The following SEC14L1 variants were observed in gnomAD, a reference collection of about 807,000 sequenced individuals.
The protein encoded by SEC14L1 is SEC14 like lipid binding 1.
In SEC14L1, 48 loss-of-function variants were observed where a neutral mutation model predicts 85.3. The observed-to-expected ratio is 0.56, with a 90% CI of 0.45 to 0.72. The LOEUF (loss-of-function observed/expected upper bound fraction) is 0.72, where lower values mean the gene tolerates loss of function less well. Among genes scored for constraint, SEC14L1 ranks in the 30% least tolerant of loss-of-function variants. The pLI is 0.00. For synonymous variants in SEC14L1, 391 were observed against 355.5 expected (o/e 1.10, Z -1.12); for missense variants, 682 against 921.4 (o/e 0.74, Z 3.36).
chr17:77,198,391 T>A (rs1975922675), intron 8 of SEC14L1, among the ~76,000 whole-genome samples: 1 of 152,212 alleles, frequency 6.6e-6, no homozygotes, highest in Admixed American at 6.5e-5. Flanking sequence ...AGTTGAACAT[T>A]ACTAGCGAAG....
At chr17:77,138,611 C>T (rs962523289), upstream of SEC14L1, among the ~76,000 whole-genome samples, 1 of 152,030 alleles carries the variant, frequency 6.6e-6, no homozygotes, top group Non-Finnish European at 1.5e-5. Context: ...CAGAGTAAGA[C>T]TCCATCTCAA....
chr17:77,160,875 A>G (rs1974025931), intron 3 of SEC14L1, among the ~76,000 whole-genome samples: 1 of 152,230 alleles, frequency 6.6e-6, no homozygotes, highest in Non-Finnish European at 1.5e-5. Flanking sequence ...TACAAAAAGA[A>G]TAGGGATGAA....
intron 3 of SEC14L1, among the ~76,000 whole-genome samples, chr17:77,095,819 A>G (rs933758969): frequency 1.1e-4 from 16 of 151,466 alleles, no homozygotes; most frequent in Non-Finnish European, 2.4e-4. Context: ...TTTGTCTCAA[A>G]AAAAAAAAAT....
In SEC14L1 at chr17:77,206,705, G is replaced by A. The variant is rs200714165; in HGVS notation, c.1342-23G>A. The A allele has an allele frequency of 3.8e-6, 6 of 1,578,400 alleles. No homozygotes were observed. Among genetic ancestry groups the A allele is most frequent in the African/African-American group, 1.4e-5 (1 of 73,478 alleles). The stretch of plus-strand genomic sequence containing the variant: ...ACTCAGGCAGCAGAGAAATATGACT[G>A]CATGGTCTTCTCCTCCTCACAGGTT... On this transcript the variant is annotated intron_variant, in intron 12 of 16. Transcript: ENST00000436233. The surrounding 1 kb of genome is among the most constrained non-coding windows in gnomAD (Gnocchi z 4.3).
intron 3 of SEC14L1, among the ~76,000 whole-genome samples, chr17:77,180,434 T>C (rs749635121): frequency 5.9e-5 from 9 of 152,138 alleles, no homozygotes; most frequent in Non-Finnish European, 1.3e-4. Context: ...CTTGTTTTTG[T>C]TTGAGATAAG....
In SEC14L1 at chr17:77,190,392, A is replaced by G. The variant is rs372708765; in HGVS notation, c.64-411A>G. Among the ~76,000 whole-genome samples the G allele has an allele frequency of 8.5e-5, 13 of 152,296 alleles. No homozygotes were observed. The South Asian group carries it at 2.7e-3, about 32-fold the overall frequency. ...GTATGTCAGTTACCCCTCTCCTAATACTAGATGGTCTTGATTACTGTAGTT... is the reference window on the plus strand; with the variant it reads ...GTATGTCAGTTACCCCTCTCCTAATGCTAGATGGTCTTGATTACTGTAGTT... On this transcript the variant is annotated intron_variant, in intron 3 of 16. Coordinates refer to ENST00000436233, the MANE Select transcript of SEC14L1 (RefSeq NM_001143998.2).
At chr17:77,134,251 CT>C (rs35681333) in intron 3 of SEC14L1, among the ~76,000 whole-genome samples, 226 of 142,218 alleles carry the variant, frequency 1.6e-3, no homozygotes, top group Admixed American at 2.0e-3. Flanking sequence ...CACACACACA[CT>C]TTTTTTTTTT....
chr17:77,132,871 CT>C lies in SEC14L1; in HGVS notation c.-135-9766del, dbSNP rs1355659321. On this transcript the variant is annotated intron_variant, in intron 3 of 19. Coordinates refer to the SEC14L1 transcript ENST00000392476. ...TCCTCCTTTTTTTTTTTTCTTTTTT[CT>C]TTTTTTTTGAGACAGAGTCTCACTC... is the stretch of plus-strand genomic sequence containing the variant. Among the ~76,000 whole-genome samples the C allele has an allele frequency of 2.9e-5, 4 of 139,266 alleles. No individual in the cohort carries two copies. In the East Asian group the frequency reaches 6.2e-4, roughly 22 times the overall value. The allele number at this position is 139,266 out of a possible 152,430, so 91.4% of individuals were successfully genotyped here.
intron 3 of SEC14L1, chr17:77,129,989 A>G (rs1310028742): frequency 6.6e-6 from 1 of 152,196 alleles, no homozygotes; most frequent in African/African-American, 2.4e-5. Context: ...AGTGAGGACT[A>G]TATTTTGTGA....
intron 3 of SEC14L1, among the ~76,000 whole-genome samples, chr17:77,135,721 G>T (rs759447858): frequency 1.3e-5 from 2 of 151,626 alleles, no homozygotes; most frequent in Non-Finnish European, 2.9e-5. Flanking sequence ...AAAATTGTTT[G>T]TAGAGATAGG....
chr17:77,216,801 C>G lies in SEC14L1; in HGVS notation c.*2778C>G. ...CTCCCGAGTAATCCAATCTCACTCCCCTTGTAAGGGAATTCTGGGGCAGCT... is the reference window on the plus strand; with the variant it reads ...CTCCCGAGTAATCCAATCTCACTCCGCTTGTAAGGGAATTCTGGGGCAGCT... On this transcript the variant is annotated 3_prime_UTR_variant, in exon 17 of 17. Transcript: ENST00000436233. 1 of 638,132 alleles carries G rather than the reference C, an allele frequency of 1.6e-6. No homozygotes were observed. The highest frequency in any genetic ancestry group is 1.8e-5 in the African/African-American group (1 of 54,766). The allele number at this position is 638,132 out of a possible 1,614,324, so 39.5% of individuals were successfully genotyped here. A position where few individuals can be genotyped will look rare whatever the true frequency, so the allele number is the denominator to read the frequency against.
At chr17:77,155,504 A>T (rs7207721) in intron 3 of SEC14L1, among the ~76,000 whole-genome samples, 10,177 of 152,104 alleles carry the variant, frequency 0.067, 444 homozygotes, top group East Asian at 0.27. Context: ...TGGTGCCCAG[A>T]TGGGAGCTGG....
At chr17:77,181,983 G>A (rs1356327944) in intron 3 of SEC14L1, among the ~76,000 whole-genome samples, 1 of 151,980 alleles carries the variant, frequency 6.6e-6, no homozygotes, top group Non-Finnish European at 1.5e-5. Context: ...TTGAGCACTG[G>A]CAGCTTGTAG....
rs1204707768 is a variant in SEC14L1 at position 77,216,004 on chromosome 17, TTCG to T, written c.*1983_*1985del. Reference sequence around the variant, plus strand: ...TAGTAGGTAGGGCTAGTAGGTAGGGTTCGTAGGTAGGGTTCGTAGGTAGGGCTA... The same window carrying T: ...TAGTAGGTAGGGCTAGTAGGTAGGGTTAGGTAGGGTTCGTAGGTAGGGCTA... On this transcript the variant is annotated 3_prime_UTR_variant, in exon 17 of 17. Transcript: ENST00000436233. 3.3e-6 allele frequency: 3 copies of T among 896,840 alleles called. No homozygotes were observed. In the African/African-American group the frequency reaches 7.8e-5, roughly 23 times the overall value. 55.6% of individuals were successfully genotyped at this position (896,840 alleles called of 1,614,324 possible). A position where few individuals can be genotyped will look rare whatever the true frequency, so the allele number is the denominator to read the frequency against.
At chr17:77,149,093 G>A (rs191879314) in intron 3 of SEC14L1, among the ~76,000 whole-genome samples, 9 of 152,044 alleles carry the variant, frequency 5.9e-5, no homozygotes, top group Admixed American at 1.3e-4. Context: ...CCTTCCACAC[G>A]TCCCCGATGC....
chr17:77,164,049 A>G (rs753249328), intron 3 of SEC14L1, among the ~76,000 whole-genome samples: 21 of 152,208 alleles, frequency 1.4e-4, no homozygotes, highest in Admixed American at 1.3e-3. Flanking sequence ...TTGTGTGGCA[A>G]TATCTTGTTT....
At chr17:77,148,973 C>T (rs942019750) in intron 3 of SEC14L1, among the ~76,000 whole-genome samples, 3 of 152,228 alleles carry the variant, frequency 2.0e-5, no homozygotes, top group African/African-American at 7.2e-5. Context: ...CCCGTTGGCC[C>T]GGACACACAG....
chr17:77,215,253 G>A lies in SEC14L1; in HGVS notation c.*1230G>A. The stretch of plus-strand genomic sequence containing the variant: ...TTAAAGCCTGCTCTATCTGGTACAG[G>A]CCCTTATTTTTTCAGCTTTTTATGG... On this transcript the variant is annotated 3_prime_UTR_variant, in exon 17 of 17. Transcript: ENST00000436233. The A allele has an allele frequency of 8.1e-6, 8 of 985,372 alleles. No individual in the cohort carries two copies. The highest frequency in any genetic ancestry group is 9.6e-6 in the Non-Finnish European group (8 of 829,932). 61.0% of individuals were successfully genotyped at this position (985,372 alleles called of 1,614,324 possible). A position where few individuals can be genotyped will look rare whatever the true frequency, so the allele number is the denominator to read the frequency against.
At chr17:77,092,670 C>T (rs1015590706) in intron 2 of SEC14L1, among the ~76,000 whole-genome samples, 6 of 151,974 alleles carry the variant, frequency 3.9e-5, no homozygotes, top group Admixed American at 1.3e-4. Flanking sequence ...GGGTTAGAGC[C>T]GGGCGTGGTG....
Sources: gnomAD v4.1 joint callset for allele counts (sites outside exome capture counted in the v4.1 genomes callset) on GRCh38, gnomAD v4.1.1 for gene constraint, Gnocchi (gnomAD v3.1) non-coding constraint, MANE v1.5 for transcripts, NCBI Gene and HGNC (gene_info 2026-07-23, HGNC 2026-07-21) for gene names.